PTPRD: variants seen among roughly 807,000 people sequenced by gnomAD.
PTPRD encodes receptor-type tyrosine-protein phosphatase delta.
PTPRD carries 34 observed loss-of-function variants against 214.5 expected under a neutral mutation model. That is an observed-to-expected ratio of 0.16 (90% CI 0.12 to 0.21). The LOEUF is 0.21. Among genes scored for constraint, PTPRD ranks in the 10% least tolerant of loss-of-function variants. The pLI, the probability that PTPRD is intolerant of heterozygous loss-of-function variation, is 1.00. For synonymous variants in PTPRD, 1,128 were observed against 845.7 expected (o/e 1.33, Z -5.79); for missense variants, 2,545 against 2,398.7 (o/e 1.06, Z -1.27).
At chr9:10,390,227 T>C (rs1043675341) in intron 2 of PTPRD, among the ~76,000 whole-genome samples, 2 of 151,828 alleles carry the variant, frequency 1.3e-5, no homozygotes, top group Non-Finnish European at 2.9e-5. Context: ...ACATTCAAAA[T>C]AGCTAAAAGA....
rs1472494366 is a variant in PTPRD, at chr9:8,484,395, A to G, written c.3154-17T>C. The G allele has an allele frequency of 2.5e-6, 4 of 1,584,976 alleles. No homozygotes were observed. The African/African-American group carries it at 5.5e-5, about 22-fold the overall frequency. ...ATAAAGAATCTAAAGAGATAAAACC[A>G]ATAAAAAAAAAATCTGGTTATCAGA... On this transcript the variant is annotated splice_polypyrimidine_tract_variant and intron_variant, in intron 29 of 45. Coordinates refer to ENST00000381196, the MANE Select transcript of PTPRD (RefSeq NM_002839.4).
At chr9:8,998,459 T>A (rs539446942) in intron 11 of PTPRD, among the ~76,000 whole-genome samples, 114 of 152,128 alleles carry the variant, frequency 7.5e-4, no homozygotes, top group Non-Finnish European at 1.5e-3. Flanking sequence ...TTACCGTGAA[T>A]ATTTTAAGCC....
chr9:9,746,214 G>C (rs968670438), intron 6 of PTPRD, among the ~76,000 whole-genome samples: 6 of 152,048 alleles, frequency 3.9e-5, no homozygotes, highest in African/African-American at 1.4e-4. Context: ...TAAAGGGTAA[G>C]CTAAGCACAT....
At chr9:8,415,347 G>T (rs1429446644) in intron 35 of PTPRD, among the ~76,000 whole-genome samples, 1 of 152,162 alleles carries the variant, frequency 6.6e-6, no homozygotes, top group Non-Finnish European at 1.5e-5. Flanking sequence ...CAGTACATAA[G>T]CTGGCTGGAT....
At chr9:8,819,190 C>T (rs532244250) in intron 11 of PTPRD, among the ~76,000 whole-genome samples, 1 of 152,142 alleles carries the variant, frequency 6.6e-6, no homozygotes, top group Non-Finnish European at 1.5e-5. Flanking sequence ...TTGAGTATTC[C>T]ATTATTAAGT....
chr9:9,926,540 G>GA (rs1211206294), intron 5 of PTPRD, among the ~76,000 whole-genome samples: 1 of 151,822 alleles, frequency 6.6e-6, no homozygotes. Context: ...AAAAGAGAAA[G>GA]AAAAAACCAA....
At chr9:9,973,330 G>C (rs1275247202) in intron 4 of PTPRD, among the ~76,000 whole-genome samples, 1 of 151,084 alleles carries the variant, frequency 6.6e-6, no homozygotes, top group Non-Finnish European at 1.5e-5. Flanking sequence ...AAATTACCCA[G>C]GTGTGGTCGC....
chr9:10,509,566 T>TATATATATATATATATATATATATAC (rs2047296234), intron 2 of PTPRD, among the ~76,000 whole-genome samples: 1 of 73,762 alleles, frequency 1.4e-5, no homozygotes, highest in Non-Finnish European at 3.5e-5. Flanking sequence ...ATTATATATA[T>TATATATATATATATATATATATATAC]ATATATATAT....
intron 3 of PTPRD, among the ~76,000 whole-genome samples, chr9:10,280,360 C>CACACACACACA (rs752581841): frequency 6.9e-6 from 1 of 144,724 alleles, no homozygotes; most frequent in African/African-American, 2.6e-5. Context: ...TACATAAACA[C>CACACACACACA]CACACACACA....
intron 27 of PTPRD, among the ~76,000 whole-genome samples, chr9:8,489,347 G>A (rs1347557642): frequency 1.1e-4 from 17 of 152,128 alleles, no homozygotes; most frequent in Admixed American, 6.6e-5. Context: ...ATAGAAATAA[G>A]AGCATTAGCT....
At position 9,075,036 on chromosome 9, in the gene PTPRD, AAGAG is replaced by A. The variant is rs2099749025; in HGVS notation, c.-142-56305_-142-56302del. 2.6e-5 allele frequency among the ~76,000 whole-genome samples: 4 copies of A among 152,070 alleles called. No homozygotes were observed. The South Asian group carries it at 8.3e-4, about 32-fold the overall frequency. On this transcript the variant is annotated intron_variant, in intron 10 of 45. Transcript: ENST00000381196. ...GCAACTTTAATTATAATTGTACAAA[AAGAG>A]AAGAAAACAAAAATTCCCTACAAAA...
chr9:8,798,786 T>C (rs1256198436), intron 11 of PTPRD, among the ~76,000 whole-genome samples: 1 of 152,322 alleles, frequency 6.6e-6, no homozygotes, highest in African/African-American at 2.4e-5. Context: ...GGTGATCATA[T>C]TTAATAAATA....
intron 2 of PTPRD, among the ~76,000 whole-genome samples, chr9:10,493,217 T>C (rs1005192188): frequency 3.3e-5 from 5 of 152,028 alleles, no homozygotes; most frequent in Non-Finnish European, 4.4e-5. Flanking sequence ...CAAGCTACCA[T>C]TGACTTTCTT....
At chr9:8,353,255 C>G (rs953298618) in intron 39 of PTPRD, among the ~76,000 whole-genome samples, 1 of 152,146 alleles carries the variant, frequency 6.6e-6, no homozygotes, top group Non-Finnish European at 1.5e-5. Context: ...CAGTGAGAAT[C>G]TCACTCTCAA....
chr9:10,122,125 T>A (rs529244659), intron 3 of PTPRD, among the ~76,000 whole-genome samples: 34 of 152,100 alleles, frequency 2.2e-4, no homozygotes, highest in Admixed American at 4.6e-4. Context: ...CTGGCCAACA[T>A]GGTGAATCCC....
intron 7 of PTPRD, among the ~76,000 whole-genome samples, chr9:9,652,534 G>T (rs1457213368): frequency 6.6e-6 from 1 of 151,956 alleles, no homozygotes; most frequent in Admixed American, 6.6e-5. Flanking sequence ...TATCTGAAAG[G>T]GTCAGATTGT....
At chr9:9,170,786 T>C (rs2099912958) in intron 10 of PTPRD, among the ~76,000 whole-genome samples, 2 of 152,172 alleles carry the variant, frequency 1.3e-5, no homozygotes, top group Admixed American at 6.5e-5. Flanking sequence ...AGACAGTAAG[T>C]TGAGAATTCA....
chr9:9,252,905 A>C (rs1005699501), intron 9 of PTPRD, among the ~76,000 whole-genome samples: 22 of 152,074 alleles, frequency 1.4e-4, no homozygotes, highest in African/African-American at 4.6e-4. Flanking sequence ...CCTCTCCTAC[A>C]CTTTCTTTTT....
In PTPRD at chr9:8,342,366, T is replaced by C. The variant is rs144769056; in HGVS notation, c.4662-388A>G. On this transcript the variant is annotated intron_variant, in intron 39 of 45. Transcript: ENST00000381196. Reference sequence around the variant, plus strand: ...TATTGGTCCAGATCTGGCTAGGCTATAGTTCTTGCAAACTCTCTCAATCTG... The same window carrying C: ...TATTGGTCCAGATCTGGCTAGGCTACAGTTCTTGCAAACTCTCTCAATCTG... Among the ~76,000 whole-genome samples, 11 of 152,262 alleles carry C rather than the reference T, an allele frequency of 7.2e-5. No homozygotes were observed. In the East Asian group the frequency reaches 1.7e-3, roughly 24 times the overall value.
Sources: gnomAD v4.1 joint callset for allele counts (sites outside exome capture counted in the v4.1 genomes callset) on GRCh38, gnomAD v4.1.1 for gene constraint, MANE v1.5 for transcripts, NCBI Gene and HGNC (gene_info 2026-07-23, HGNC 2026-07-21) for gene names.